PHF20: variants seen among roughly 807,000 people sequenced by gnomAD.
The protein encoded by PHF20 is glioma-expressed antigen 2.
PHF20 carries 23 observed loss-of-function variants against 113.5 expected under a neutral mutation model. That is an observed-to-expected ratio of 0.20 (90% CI 0.15 to 0.29). The LOEUF (loss-of-function observed/expected upper bound fraction) is 0.29. PHF20 is among the 10% of genes least tolerant of loss of function. The probability of loss-of-function intolerance (pLI) is 1.00; values close to 1 mark genes in which losing one functional copy is unlikely to be tolerated. For missense variants in PHF20, 943 were observed against 1,219.6 expected (o/e 0.77, Z 3.38); for synonymous variants, 434 against 457.3 (o/e 0.95, Z 0.65).
At chr20:35,834,044 T>A (rs897714247) in intron 2 of PHF20, among the ~76,000 whole-genome samples, 6 of 150,900 alleles carry the variant, frequency 4.0e-5, no homozygotes, top group Non-Finnish European at 8.9e-5. Flanking sequence ...GGCGACAGAG[T>A]GAGATTCCGT....
intron 5 of PHF20, among the ~76,000 whole-genome samples, chr20:35,862,141 C>CA (rs1161512020): frequency 9.2e-5 from 14 of 152,234 alleles, no homozygotes; most frequent in African/African-American, 3.1e-4. Flanking sequence ...TATTTCCTAC[C>CA]AATAGACAAA....
chr20:35,805,004 C>T (rs909185344), intron 2 of PHF20, among the ~76,000 whole-genome samples: 3 of 151,940 alleles, frequency 2.0e-5, no homozygotes, highest in Non-Finnish European at 2.9e-5. Context: ...CAGGTTCAAG[C>T]GATTCTCGTG....
chr20:35,792,763 G>T (rs529698525), intron 1 of PHF20, among the ~76,000 whole-genome samples: 10 of 151,932 alleles, frequency 6.6e-5, no homozygotes, highest in African/African-American at 2.4e-4. Flanking sequence ...TGTCCTTTTT[G>T]CTAGTATACC....
chr20:35,884,665 C>A (rs2054694218), intron 9 of PHF20, among the ~76,000 whole-genome samples: 1 of 152,042 alleles, frequency 6.6e-6, no homozygotes, highest in South Asian at 2.1e-4. Flanking sequence ...ACTTATACAT[C>A]TATGTAGCAT....
chr20:35,800,169 T>G (rs750070581), intron 1 of PHF20: 2 of 152,076 alleles, frequency 1.3e-5, no homozygotes, highest in Non-Finnish European at 2.9e-5. Context: ...TTAAAGGAAT[T>G]AAACGTGAAT....
At chr20:35,810,318 A>G (rs545845383) in intron 2 of PHF20, among the ~76,000 whole-genome samples, 253 of 152,298 alleles carry the variant, frequency 1.7e-3, no homozygotes, top group African/African-American at 5.9e-3. Flanking sequence ...CAGTTCGGCA[A>G]GGTTTCCTCT....
chr20:35,786,785 G>C (rs1052162277), intron 1 of PHF20, among the ~76,000 whole-genome samples: 5 of 152,120 alleles, frequency 3.3e-5, no homozygotes, highest in Non-Finnish European at 5.9e-5. Flanking sequence ...TGAAGAAATG[G>C]ATACAGCTTT....
At chr20:35,878,161 C>T (rs1281123625) in intron 9 of PHF20, among the ~76,000 whole-genome samples, 1 of 152,096 alleles carries the variant, frequency 6.6e-6, no homozygotes, top group Non-Finnish European at 1.5e-5. Context: ...TTCATATCAT[C>T]AAGTATGTAT....
At position 35,931,368 on chromosome 20, in the gene PHF20, A is replaced by T. The variant is rs1399886874; in HGVS notation, c.2224A>T (p.Thr742Ser). 1 of 1,614,026 alleles carries T rather than the reference A, an allele frequency of 6.2e-7. No individual in the cohort carries two copies. The highest frequency in any genetic ancestry group is 8.5e-7 in the Non-Finnish European group (1 of 1,180,008). ...TCAGAATGCCAAGAAGATCGTGGCC[A>T]CCCACCAGCTTCTTGGTGATGTGCA... Reference protein sequence around the residue: ...SHQNAKKIVATHQLLGDVQRV... With the variant: ...SHQNAKKIVASHQLLGDVQRV... The change falls in exon 15 of 18, where the codon ACC becomes TCC. Residue 742 changes from threonine to serine, a missense_variant. Coordinates refer to ENST00000374012, the MANE Select transcript of PHF20 (RefSeq NM_016436.5).
chr20:35,851,593 CT>C (rs894678260), intron 4 of PHF20, among the ~76,000 whole-genome samples: 2 of 148,794 alleles, frequency 1.3e-5, no homozygotes, highest in Non-Finnish European at 1.5e-5. Context: ...CACCCCGCCC[CT>C]TTTTTTTTGC....
intron 4 of PHF20, among the ~76,000 whole-genome samples, chr20:35,847,955 A>G (rs1487011584): frequency 1.3e-5 from 2 of 152,148 alleles, no homozygotes; most frequent in African/African-American, 4.8e-5. Flanking sequence ...AACTTGACTA[A>G]TAGAGGCTCA....
intron 9 of PHF20, among the ~76,000 whole-genome samples, chr20:35,878,158 C>T (rs1018631105): frequency 6.6e-6 from 1 of 152,126 alleles, no homozygotes; most frequent in Non-Finnish European, 1.5e-5. Context: ...TTTTTCATAT[C>T]ATCAAGTATG....
chr20:35,911,116 C>T (rs1298071412), intron 10 of PHF20, among the ~76,000 whole-genome samples: 2 of 152,136 alleles, frequency 1.3e-5, no homozygotes, highest in Non-Finnish European at 2.9e-5. Context: ...CCTCAGCTCA[C>T]TGCAAGCTCC....
chr20:35,835,840 G>C (rs1341195420), intron 2 of PHF20, among the ~76,000 whole-genome samples: 2 of 152,044 alleles, frequency 1.3e-5, no homozygotes, highest in African/African-American at 4.8e-5. Context: ...TGAGGTGGGA[G>C]AATCACTTGA....
At chr20:35,871,439 C>G (rs1352917666) in intron 8 of PHF20, among the ~76,000 whole-genome samples, 1 of 151,992 alleles carries the variant, frequency 6.6e-6, no homozygotes, top group Admixed American at 6.6e-5. Context: ...TGTGTTTATA[C>G]TTCCAGCTAT....
At chr20:35,787,062 G>C (rs961559365) in intron 1 of PHF20, among the ~76,000 whole-genome samples, 1 of 149,214 alleles carries the variant, frequency 6.7e-6, no homozygotes, top group Non-Finnish European at 1.5e-5. Flanking sequence ...TGCAATCATA[G>C]TTCACTGCAG....
intron 1 of PHF20, among the ~76,000 whole-genome samples, chr20:35,784,057 GTT>G (rs1210870889): frequency 2.1e-5 from 3 of 139,656 alleles, no homozygotes; most frequent in Non-Finnish European, 3.1e-5. Flanking sequence ...TTGTTTGTGT[GTT>G]TTTTTTTTTT....
intron 2 of PHF20, among the ~76,000 whole-genome samples, chr20:35,835,588 G>A (rs1192703635): frequency 6.6e-6 from 1 of 152,186 alleles, no homozygotes; most frequent in Non-Finnish European, 1.5e-5. Context: ...TATTCTAGCA[G>A]AGTAATGATA....
Position 35,863,042 on chromosome 20 carries a change from A to C in PHF20, c.450A>C (p.Glu150Asp), listed in dbSNP as rs2054245531. 1.3e-6 allele frequency: 2 copies of C among 1,594,600 alleles called. No individual in the cohort carries two copies. Among genetic ancestry groups the C allele is most frequent in the African/African-American group, 2.7e-5 (2 of 73,406 alleles). Residue 150 changes from glutamate (E) to aspartate (D), a missense_variant, in exon 6 of 18, where the codon GAA (glutamate) becomes GAC (aspartate). This residue lies in a region of PHF20 where 592 missense variants were observed against 787.2 expected (regional missense o/e 0.75). Coordinates refer to ENST00000374012, the MANE Select transcript of PHF20 (RefSeq NM_016436.5). Reference sequence around the variant, plus strand: ...TTGTGGGTAATGCTAGGCCTAAAGAAACAGATCACAAAAGTCTTTCATCAT... The same window carrying C: ...TTGTGGGTAATGCTAGGCCTAAAGACACAGATCACAAAAGTCTTTCATCAT... Reference protein sequence around the residue: ...QNIVGNARPKETDHKSLSSSP... With the variant: ...QNIVGNARPKDTDHKSLSSSP...
Sources: allele counts gnomAD v4.1 joint callset (sites outside exome capture counted in the v4.1 genomes callset), GRCh38; gene constraint gnomAD v4.1.1; regional missense constraint gnomAD v4.1.1; transcripts MANE v1.5; gene names NCBI Gene and HGNC (gene_info 2026-07-23, HGNC 2026-07-21).